The following ABLIM2 variants were observed in gnomAD, a reference collection of about 807,000 sequenced individuals.
ABLIM2 encodes the protein actin binding LIM protein family member 2.
ABLIM2 carries 53 observed loss-of-function variants against 97.7 expected under a neutral mutation model. The ratio of observed to expected loss-of-function variants is 0.54; its 90% CI spans 0.44 to 0.68. ABLIM2 has a LOEUF of 0.68. ABLIM2 is among the 30% of genes least tolerant of loss of function. The pLI is 0.00. For synonymous variants in ABLIM2, 361 were observed against 345.8 expected, an observed-to-expected ratio of 1.04 and a Z score of -0.49; for missense variants, 835 against 867.2, an observed-to-expected ratio of 0.96 and a Z score of 0.47.
intron 20 of ABLIM2, among the ~76,000 whole-genome samples, chr4:7,980,972 C>T (rs1413767378): frequency 2.0e-5 from 1 of 49,508 alleles, no homozygotes; most frequent in African/African-American, 1.3e-4. Context: ...GAGATGGAGT[C>T]TTGCTCTGTC....
At position 8,085,903 on chromosome 4, in the gene ABLIM2, G is replaced by A. The variant is rs898493397; in HGVS notation, c.454+2266C>T. ...GAGCTCACTTGCTTTGGAGTTGAAA[G>A]GCCTTGGCCCACCCCTCGGCACTTC... is the stretch of plus-strand genomic sequence containing the variant. On this transcript the variant is annotated intron_variant, in intron 4 of 20. Coordinates refer to ENST00000447017, the MANE Select transcript of ABLIM2 (RefSeq NM_001130083.2). This position sits in a 1 kb window ranked among gnomAD's most constrained non-coding sequence, Gnocchi z 6.1. Among the ~76,000 whole-genome samples the A allele has an allele frequency of 6.6e-6, 1 of 150,974 alleles. No homozygotes were observed. Among genetic ancestry groups the A allele is most frequent in the Non-Finnish European group, 1.5e-5 (1 of 67,850 alleles).
rs1019774778 is a variant in ABLIM2, at chr4:8,054,105, T to C, written c.822+83A>G. 1.5e-5 allele frequency: 23 copies of C among 1,488,470 alleles called. No individual in the cohort carries two copies. In the African/African-American group the frequency reaches 2.9e-4, roughly 19 times the overall value. The allele number at this position is 1,488,470 out of a possible 1,614,324, so 92.2% of individuals were successfully genotyped here. On this transcript the variant is annotated intron_variant, in intron 8 of 20. Coordinates refer to ENST00000447017, the MANE Select transcript of ABLIM2 (RefSeq NM_001130083.2). The surrounding 1 kb of genome is among the most constrained non-coding windows in gnomAD (Gnocchi z 4.9). ...GGGACTGGACAATGAGCCTGTAGAA[T>C]CTGGTCAGTGTCCTCTTAACTGTAC...
chr4:7,968,884 T>A (rs1224772838), intron 20 of ABLIM2, among the ~76,000 whole-genome samples: 2 of 152,224 alleles, frequency 1.3e-5, no homozygotes, highest in African/African-American at 4.8e-5. Flanking sequence ...CTCACGCCTG[T>A]AATCCCAGCA....
At chr4:8,070,355 G>T (rs944097536) in intron 6 of ABLIM2, among the ~76,000 whole-genome samples, 1 of 151,906 alleles carries the variant, frequency 6.6e-6, no homozygotes, top group Admixed American at 6.6e-5. Context: ...ACTTCTAGAT[G>T]CCAGCAGTAG....
Position 8,071,697 on chromosome 4 carries a change from A to AACC in ABLIM2, c.675+5930_675+5931insGGT. The AACC allele has an allele frequency of 1.0e-5, 4 of 387,422 alleles. No homozygotes were observed. The highest frequency in any genetic ancestry group is 6.8e-6 in the Non-Finnish European group (2 of 294,830). 24.0% of individuals were successfully genotyped at this position (387,422 alleles called of 1,614,324 possible). Reference sequence around the variant, plus strand: ...CTGACTGCTCTGTCCCCAAAAACCCACCCACCCGCAGCCCCTCCTGGCCCC... The same window carrying AACC: ...CTGACTGCTCTGTCCCCAAAAACCCAACCCCCACCCGCAGCCCCTCCTGGCCCC... On this transcript the variant is annotated intron_variant, in intron 6 of 20. Transcript: ENST00000447017. The surrounding 1 kb of genome is among the most constrained non-coding windows in gnomAD (Gnocchi z 6.2).
chr4:8,027,236 A>G (rs11728253), intron 12 of ABLIM2, among the ~76,000 whole-genome samples: 1 of 152,022 alleles, frequency 6.6e-6, no homozygotes, highest in East Asian at 1.9e-4. Context: ...CTGCGTGACC[A>G]GCATGTGGGT....
chr4:8,143,860 G>A (rs934044149), intron 1 of ABLIM2, among the ~76,000 whole-genome samples: 1 of 152,204 alleles, frequency 6.6e-6, no homozygotes, highest in East Asian at 1.9e-4. Context: ...GTCAGCCCTG[G>A]GGTGGGGCCA....
chr4:8,047,691 T>C (rs1793447657), intron 8 of ABLIM2, among the ~76,000 whole-genome samples: 1 of 152,248 alleles, frequency 6.6e-6, no homozygotes, highest in African/African-American at 2.4e-5. Flanking sequence ...ATACATTTTA[T>C]ATGAATACAT....
chr4:8,111,973 G>A (rs1254935572), intron 1 of ABLIM2, among the ~76,000 whole-genome samples: 2 of 151,412 alleles, frequency 1.3e-5, no homozygotes, highest in Non-Finnish European at 2.9e-5. Flanking sequence ...CCACAATTGC[G>A]GCAGGTTCAT....
intron 20 of ABLIM2, among the ~76,000 whole-genome samples, 196 bp from the exon 21 acceptor site, chr4:7,967,299 T>A (rs1026853967): frequency 6.6e-6 from 1 of 152,180 alleles, no homozygotes; most frequent in Non-Finnish European, 1.5e-5. Flanking sequence ...ACAGCGACCC[T>A]GCCAGGGACA....
Position 7,970,711 on chromosome 4 carries a change from T to G in ABLIM2, c.1825-3608A>C, listed in dbSNP as rs983216273. On this transcript the variant is annotated intron_variant, in intron 20 of 20. Transcript: ENST00000447017. The surrounding 1 kb of genome is among the most constrained non-coding windows in gnomAD (Gnocchi z 5.3). The stretch of plus-strand genomic sequence containing the variant: ...GGGGGCGGTGGAGGGAGCATCTGGG[T>G]GGCTTCTGAAGTTGCTGGGAATGGT... Among the ~76,000 whole-genome samples the G allele has an allele frequency of 1.3e-5, 2 of 151,770 alleles. No individual in the cohort carries two copies. Among genetic ancestry groups the G allele is most frequent in the Non-Finnish European group, 2.9e-5 (2 of 67,940 alleles).
intron 1 of ABLIM2, among the ~76,000 whole-genome samples, chr4:8,137,863 C>T (rs1417844283): frequency 6.6e-6 from 1 of 152,266 alleles, no homozygotes; most frequent in African/African-American, 2.4e-5. Context: ...GATACCTACA[C>T]ACCCACGTTC....
At position 7,992,987 on chromosome 4, in the gene ABLIM2, C is replaced by T. The variant is rs931133599; in HGVS notation, c.1619-60G>A. 8 of 1,573,624 alleles carry T rather than the reference C, an allele frequency of 5.1e-6. No individual in the cohort carries two copies. The highest frequency in any genetic ancestry group is 7.0e-6 in the Non-Finnish European group (8 of 1,150,992). ...CAGACTCGGTGCAGCAATGGGGGTG[C>T]AGCCCTGGGGGGGCTTCCCACCGGG... On this transcript the variant is annotated intron_variant, in intron 16 of 20. Transcript: ENST00000447017. The surrounding 1 kb of genome is among the most constrained non-coding windows in gnomAD (Gnocchi z 5.7).
chr4:8,098,767 C>T (rs1352250615), intron 2 of ABLIM2, among the ~76,000 whole-genome samples: 5 of 152,180 alleles, frequency 3.3e-5, no homozygotes, highest in Non-Finnish European at 7.3e-5. Flanking sequence ...GAGGGGTACA[C>T]GGCAGCACAG....
intron 2 of ABLIM2, among the ~76,000 whole-genome samples, chr4:8,099,371 G>A (rs1326271784): frequency 6.6e-6 from 1 of 152,174 alleles, no homozygotes; most frequent in Non-Finnish European, 1.5e-5. Flanking sequence ...ACGTGACGGC[G>A]TGAGCTGTTC....
At chr4:8,045,496 A>T (rs895745555) in intron 8 of ABLIM2, among the ~76,000 whole-genome samples, 13 of 152,166 alleles carry the variant, frequency 8.5e-5, no homozygotes, top group African/African-American at 3.1e-4. Context: ...TAAAAATACA[A>T]AAATTAGCCG....
intron 1 of ABLIM2, among the ~76,000 whole-genome samples, chr4:8,145,939 G>A (rs1371068748): frequency 2.0e-5 from 3 of 150,638 alleles, no homozygotes; most frequent in African/African-American, 7.3e-5. Context: ...GTGTCCTTGA[G>A]AACTAGAATT....
chr4:8,080,038 C>T (rs892512892), intron 5 of ABLIM2, among the ~76,000 whole-genome samples: 7 of 152,188 alleles, frequency 4.6e-5, no homozygotes, highest in Non-Finnish European at 1.0e-4. Context: ...TAAAACCGAC[C>T]CCCAGCTCCT....
intron 12 of ABLIM2, among the ~76,000 whole-genome samples, chr4:8,027,499 A>G (rs959557859): frequency 2.0e-5 from 3 of 152,118 alleles, no homozygotes; most frequent in African/African-American, 7.2e-5. Context: ...GTGTGCAGGA[A>G]CCCGGGTCCC....
Sources: allele counts gnomAD v4.1 joint callset (sites outside exome capture counted in the v4.1 genomes callset), GRCh38; gene constraint gnomAD v4.1.1; non-coding constraint Gnocchi (gnomAD v3.1); transcripts MANE v1.5; gene names NCBI Gene and HGNC (gene_info 2026-07-23, HGNC 2026-07-21).